FRMD8: variants seen among roughly 807,000 people sequenced by gnomAD.
FRMD8 encodes the protein FERM domain-containing protein 8.
FRMD8 carries 37 observed loss-of-function variants against 54.2 expected under a neutral mutation model. That is an observed-to-expected ratio of 0.68 (90% CI 0.53 to 0.90). The LOEUF (loss-of-function observed/expected upper bound fraction) is 0.90, where lower values mean the gene tolerates loss of function less well. Ranked by LOEUF, FRMD8 falls within the 40% of genes least tolerant of loss-of-function variation. The pLI is 0.00. For synonymous variants in FRMD8, 246 were observed against 286.9 expected, an observed-to-expected ratio of 0.86 and a Z score of 1.44; for missense variants, 585 against 653.7, an observed-to-expected ratio of 0.89 and a Z score of 1.15.
At chr11:65,376,808 C>T in the FRMD8 span, 6 of 1,614,100 alleles carry the variant, frequency 3.7e-6, no homozygotes, top group South Asian at 6.6e-5. Flanking sequence ...TCTCACGCCA[C>T]TTTACTTACT....
the FRMD8 span, chr11:65,379,229 G>A: frequency 1.1e-6 from 1 of 884,394 alleles, no homozygotes; most frequent in Non-Finnish European, 1.7e-6. Flanking sequence ...GAGGCCTGCA[G>A]CCTGGAAGGC....
At chr11:65,387,287 C>A in intron 2 of FRMD8, 166 bp downstream of exon 2, 1 of 728,438 alleles carries the variant, frequency 1.4e-6, no homozygotes, top group Non-Finnish European at 2.4e-6. Flanking sequence ...GGCTCTGTCA[C>A]TAGTTTACTG....
At chr11:65,388,904 C>T (rs1225032375) in intron 2 of FRMD8, among the ~76,000 whole-genome samples, 1 of 152,224 alleles carries the variant, frequency 6.6e-6, no homozygotes, top group East Asian at 1.9e-4. Context: ...GCCAGACTAA[C>T]TGCCATAGCC....
At chr11:65,372,208 A>C in the FRMD8 span, among the ~76,000 whole-genome samples, 2 of 152,202 alleles carry the variant, frequency 1.3e-5, no homozygotes, top group Non-Finnish European at 2.9e-5. Context: ...CACCATGCCT[A>C]GCCAACATCT....
chr11:65,378,239 CAGA>C, the FRMD8 span: 1 of 152,212 alleles, frequency 6.6e-6, no homozygotes, highest in African/African-American at 2.4e-5. Flanking sequence ...GATGCCATTT[CAGA>C]AGGTCAGCTT....
chr11:65,399,356 G>A (rs1488229844), intron 7 of FRMD8, among the ~76,000 whole-genome samples: 1 of 152,058 alleles, frequency 6.6e-6, no homozygotes, highest in Non-Finnish European at 1.5e-5. Flanking sequence ...TTCCCAGCAG[G>A]TCCCTGCTGC....
upstream of FRMD8, chr11:65,383,203 G>A (rs116695479): frequency 0.011 from 1,631 of 152,812 alleles, 28 homozygotes; most frequent in African/African-American, 0.037. Flanking sequence ...TCCCATGGGG[G>A]ACGCCCAAGG....
the FRMD8 span, chr11:65,380,347 C>T: frequency 9.8e-7 from 1 of 1,016,194 alleles, no homozygotes; most frequent in South Asian, 1.6e-5. Flanking sequence ...CCCTGCCACC[C>T]CCTCCACACA....
chr11:65,379,142 T>C, the FRMD8 span: 1 of 542,566 alleles, frequency 1.8e-6, no homozygotes, highest in African/African-American at 1.9e-5. Flanking sequence ...CCAGGCTGCT[T>C]CTCCCAGCAC....
chr11:65,386,605 G>A (rs1390086629), upstream of FRMD8: 1 of 173,924 alleles, frequency 5.7e-6, no homozygotes, highest in Admixed American at 6.4e-5. Context: ...CGGGGCCTCG[G>A]GCGCCGCGCT....
upstream of FRMD8, among the ~76,000 whole-genome samples, chr11:65,385,957 C>T (rs1325460265): frequency 1.3e-5 from 2 of 152,092 alleles, no homozygotes; most frequent in Admixed American, 6.6e-5. Context: ...CCACCTCGCC[C>T]GGCTAATTTT....
At chr11:65,406,836 G>T (rs1467986567) in intron 10 of FRMD8, among the ~76,000 whole-genome samples, 5 of 151,922 alleles carry the variant, frequency 3.3e-5, no homozygotes, top group Admixed American at 3.3e-4. Flanking sequence ...CTACTTGGGA[G>T]GCTGAAAGCA....
At position 65,405,022 on chromosome 11, in the gene FRMD8, G is replaced by T. The variant is rs1856164188; in HGVS notation, c.1230G>T (p.Val410=). The change falls in exon 10 of 11, where the codon GTG becomes GTT. Residue 410 remains valine, a synonymous_variant. Coordinates refer to ENST00000317568, the MANE Select transcript of FRMD8 (RefSeq NM_031904.5). The part of the protein sequence containing the change: ...RPKLRRQGSV[V]SSRIQHLSTI... ...AGCTGCGGAGGCAGGGCAGTGTGGT[G>T]TCCAGCCGGATCCAGCATCTCTCCA... 1 of 1,613,414 alleles carries T rather than the reference G, an allele frequency of 6.2e-7. No individual in the cohort carries two copies. The highest frequency in any genetic ancestry group is 1.3e-5 in the African/African-American group (1 of 75,082).
chr11:65,371,349 T>TA, the FRMD8 span, among the ~76,000 whole-genome samples: 1 of 152,118 alleles, frequency 6.6e-6, no homozygotes, highest in East Asian at 1.9e-4. Flanking sequence ...TGGTCATTGC[T>TA]AAAAAAAGAA....
chr11:65,399,896 G>A (rs200054370), intron 8 of FRMD8, 37 bp downstream of exon 8: 10 of 1,587,924 alleles, frequency 6.3e-6, no homozygotes, highest in African/African-American at 5.4e-5. Context: ...GAGAGGATGG[G>A]AGGGGGCTCC....
chr11:65,382,789 C>T (rs1276630580), upstream of FRMD8: 1 of 152,480 alleles, frequency 6.6e-6, no homozygotes, highest in African/African-American at 2.4e-5. The surrounding 1 kb of genome is among the most constrained non-coding windows in gnomAD (Gnocchi z 4.4). Flanking sequence ...CCTTCTGTCT[C>T]CAGGCCTGTG....
intron 6 of FRMD8, among the ~76,000 whole-genome samples, chr11:65,396,572 G>A (rs1030549571): frequency 6.6e-6 from 1 of 152,170 alleles, no homozygotes; most frequent in Admixed American, 6.5e-5. Context: ...AGCTGCTCTC[G>A]GCAGAAGCAG....
chr11:65,398,924 G>GGGCAAGGGTGAGCCTGAGGGACAGGAGAA (rs1565605968), intron 7 of FRMD8, among the ~76,000 whole-genome samples: 1 of 152,008 alleles, frequency 6.6e-6, no homozygotes, highest in East Asian at 1.9e-4. Flanking sequence ...TGGGTGGTGA[G>GGGCAAGGGTGAGCCTGAGGGACAGGAGAA]GGCAAGGGTG....
the FRMD8 span, among the ~76,000 whole-genome samples, chr11:65,369,723 A>AAAAT: frequency 3.1e-4 from 45 of 143,766 alleles, no homozygotes; most frequent in African/African-American, 1.1e-3. Context: ...AAAACTCTCA[A>AAAAT]AAATAAATAA....
Sources: allele counts gnomAD v4.1 joint callset (sites outside exome capture counted in the v4.1 genomes callset), GRCh38; gene constraint gnomAD v4.1.1; non-coding constraint Gnocchi (gnomAD v3.1); transcripts MANE v1.5; gene names NCBI Gene and HGNC (gene_info 2026-07-23, HGNC 2026-07-21).